Variants in ASPSCR1 observed in about 807,000 individuals in gnomAD.
ASPSCR1 encodes the protein tether containing UBX domain for GLUT4.
ASPSCR1 carries 55 observed loss-of-function variants against 68.9 expected under a neutral mutation model. The ratio of observed to expected loss-of-function variants is 0.80; its 90% confidence interval spans 0.64 to 1.00. The LOEUF is 1.00. ASPSCR1 is among the 50% of genes least tolerant of loss of function. The pLI is 0.00. For synonymous variants in ASPSCR1, 352 were observed against 332.6 expected (o/e 1.06, Z -0.63); for missense variants, 765 against 762.2 (o/e 1.00, Z -0.04).
rs1033955650 is a variant in ASPSCR1 at position 81,994,736 on chromosome 17, C to G, written c.375-85C>G. 19 of 1,433,298 alleles carry G rather than the reference C, an allele frequency of 1.3e-5. No homozygotes were observed. The South Asian group carries it at 2.0e-4, about 15-fold the overall frequency. 88.8% of individuals were successfully genotyped at this position (1,433,298 alleles called of 1,614,324 possible). On this transcript the variant is annotated intron_variant, in intron 4 of 15. Coordinates refer to ENST00000306739, the MANE Select transcript of ASPSCR1 (RefSeq NM_024083.4). ...GCTGGGTGAGGGCCCCACACCTTTGCTTTCCGAGTCTCCTGCCCCAGGGCC... is the reference window on the plus strand; with the variant it reads ...GCTGGGTGAGGGCCCCACACCTTTGGTTTCCGAGTCTCCTGCCCCAGGGCC...
chr17:82,001,006 C>T (rs998732460), intron 7 of ASPSCR1, among the ~76,000 whole-genome samples: 149 of 152,368 alleles, frequency 9.8e-4, no homozygotes, highest in African/African-American at 3.5e-3. Flanking sequence ...CTGCCCCTCC[C>T]GCCTCGGGGG....
At chr17:81,997,004 CT>C (rs1210405730) in intron 7 of ASPSCR1, among the ~76,000 whole-genome samples, 158 bp downstream of exon 7, 1 of 151,676 alleles carries the variant, frequency 6.6e-6, no homozygotes, top group Non-Finnish European at 1.5e-5. Flanking sequence ...GGACAGGAGC[CT>C]TCTGACTTCG....
At chr17:81,996,306 A>G (rs1276666237) in intron 6 of ASPSCR1, 114 bp from the exon 7 acceptor site, 2 of 1,320,610 alleles carry the variant, frequency 1.5e-6, no homozygotes, top group African/African-American at 1.7e-5. Flanking sequence ...GAGAGGGTGA[A>G]CCGGGGGCGG....
rs529577283 is a variant in ASPSCR1, at chr17:81,990,933, C to T, written c.375-3888C>T. Among the ~76,000 whole-genome samples the T allele has an allele frequency of 1.6e-4, 24 of 152,242 alleles. No individual in the cohort carries two copies. The highest frequency in any genetic ancestry group is 5.5e-4 in the African/African-American group (23 of 41,546). On this transcript the variant is annotated intron_variant, in intron 4 of 15. Coordinates refer to ENST00000306739, the MANE Select transcript of ASPSCR1 (RefSeq NM_024083.4). This position sits in a 1 kb window ranked among gnomAD's most constrained non-coding sequence, Gnocchi z 4.1. ...TCCACGAGGGCAGGCGGGCGAGTCC[C>T]GTAGTTTGAATCCCACGTCCCGTAA...
chr17:82,010,469 C>G (rs2042894513), intron 9 of ASPSCR1, among the ~76,000 whole-genome samples: 1 of 145,022 alleles, frequency 6.9e-6, no homozygotes, highest in Non-Finnish European at 1.5e-5. Flanking sequence ...GTGGAGCTTA[C>G]AGTGAGCCGA....
chr17:81,998,808 G>A (rs1004991892), intron 7 of ASPSCR1, among the ~76,000 whole-genome samples: 2 of 152,214 alleles, frequency 1.3e-5, no homozygotes, highest in Non-Finnish European at 2.9e-5. Flanking sequence ...GAAGTTCTCC[G>A]AAGGTTATGG....
At chr17:82,005,702 C>T (rs1023111346) in intron 7 of ASPSCR1, 7 of 152,264 alleles carry the variant, frequency 4.6e-5, no homozygotes, top group African/African-American at 1.4e-4. Context: ...ATCCAGTTGC[C>T]TCCTCCCTGA....
chr17:82,003,858 C>T (rs1455174108), intron 7 of ASPSCR1, among the ~76,000 whole-genome samples: 4 of 152,220 alleles, frequency 2.6e-5, no homozygotes, highest in Admixed American at 6.5e-5. Flanking sequence ...GTGGCCGGGG[C>T]GCTGAGTAAC....
intron 12 of ASPSCR1, chr17:82,014,910 C>T (rs1438231678): frequency 4.8e-6 from 4 of 837,782 alleles, no homozygotes; most frequent in Non-Finnish European, 7.2e-6. Flanking sequence ...GCAGGGCGGG[C>T]ACCCCCACTT....
intron 4 of ASPSCR1, among the ~76,000 whole-genome samples, chr17:81,994,307 A>G (rs2042265519): frequency 6.6e-6 from 1 of 152,202 alleles, no homozygotes; most frequent in Admixed American, 6.5e-5. Flanking sequence ...AGCGGAGTGC[A>G]GCGCCCCTCC....
intron 4 of ASPSCR1, among the ~76,000 whole-genome samples, chr17:81,991,941 G>A (rs77427192): frequency 1.5e-4 from 23 of 152,386 alleles, no homozygotes; most frequent in African/African-American, 4.8e-4. Flanking sequence ...GGGCCCCAGC[G>A]GGGCGGGGTT....
intron 7 of ASPSCR1, among the ~76,000 whole-genome samples, chr17:82,003,189 T>C (rs1355322122): frequency 6.6e-6 from 1 of 152,202 alleles, no homozygotes; most frequent in Non-Finnish European, 1.5e-5. Context: ...CTCGCACCTA[T>C]AATCACAGCA....
Position 82,012,233 on chromosome 17 carries a change from A to C in ASPSCR1, c.1303A>C (p.Ile435Leu). 1 of 1,613,416 alleles carries C rather than the reference A, an allele frequency of 6.2e-7. No homozygotes were observed. Among genetic ancestry groups the C allele is most frequent in the South Asian group, 1.1e-5 (1 of 91,068 alleles). Reference protein sequence around the residue: ...GNPELSFYLFITPPKTVLDDH... With the variant: ...GNPELSFYLFLTPPKTVLDDH... ...ACGTAGGTGCCTTCTCTCCTCAGTC[A>C]TCACCCCTCCAAAAACAGTCCTGGA... Residue 435 changes from isoleucine to leucine, a missense_variant and splice_region_variant, in exon 12 of 16, where the codon ATC becomes CTC. By Grantham distance (5) the Ile-to-Leu change is conservative (BLOSUM62 2). Transcript: ENST00000306739.
At chr17:81,979,441 T>G (rs1291648991) in intron 2 of ASPSCR1, among the ~76,000 whole-genome samples, 1 of 152,192 alleles carries the variant, frequency 6.6e-6, no homozygotes, top group Non-Finnish European at 1.5e-5. Flanking sequence ...TCTTCCAGCT[T>G]CTCATGGCTC....
In ASPSCR1 at chr17:81,977,927, G is replaced by A; in HGVS notation, c.102+179G>A. The A allele has an allele frequency of 2.8e-6, 1 of 355,514 alleles. No homozygotes were observed. Among genetic ancestry groups the A allele is most frequent in the East Asian group, 4.9e-5 (1 of 20,312 alleles). 22.0% of individuals were successfully genotyped at this position (355,514 alleles called of 1,614,324 possible). Reference sequence around the variant, plus strand: ...CACCTGCGCTTCCGCTGGGGTCCCGGGGGTCCCGGGGGTCCCGAGTGGGGG... The same window carrying A: ...CACCTGCGCTTCCGCTGGGGTCCCGAGGGTCCCGGGGGTCCCGAGTGGGGG... On this transcript the variant is annotated intron_variant, in intron 1 of 15. Coordinates refer to ENST00000306739, the MANE Select transcript of ASPSCR1 (RefSeq NM_024083.4). The surrounding 1 kb of genome is among the most constrained non-coding windows in gnomAD (Gnocchi z 5.0).
At chr17:81,978,216 G>C (rs1208576967) in intron 1 of ASPSCR1, 1 of 152,448 alleles carries the variant, frequency 6.6e-6, no homozygotes, top group Admixed American at 6.5e-5. Context: ...TTGTGACCGC[G>C]AATCAATTAA....
At chr17:81,981,611 T>C (rs2041798453) in intron 2 of ASPSCR1, among the ~76,000 whole-genome samples, 1 of 152,174 alleles carries the variant, frequency 6.6e-6, no homozygotes, top group East Asian at 1.9e-4. Context: ...AGTCCTGACC[T>C]CAGGTGATCT....
chr17:81,981,147 G>A (rs551998817), intron 2 of ASPSCR1, among the ~76,000 whole-genome samples: 3 of 152,328 alleles, frequency 2.0e-5, no homozygotes, highest in East Asian at 1.9e-4. Flanking sequence ...TGAAGAAACC[G>A]CAAGAGAGAA....
chr17:82,011,512 GCTGT>G, intron 10 of ASPSCR1, 27 bp from the exon 11 acceptor site: 2 of 1,570,776 alleles, frequency 1.3e-6, no homozygotes, highest in Non-Finnish European at 1.7e-6. Context: ...TGGTGGAAGA[GCTGT>G]CTGTATGTTC....
Sources: allele counts gnomAD v4.1 joint callset (sites outside exome capture counted in the v4.1 genomes callset), GRCh38; gene constraint gnomAD v4.1.1; non-coding constraint Gnocchi (gnomAD v3.1); transcripts MANE v1.5; gene names NCBI Gene and HGNC (gene_info 2026-07-23, HGNC 2026-07-21).